ZNG1A: variants seen among roughly 807,000 people sequenced by gnomAD.
ZNG1A encodes zinc-regulated GTPase metalloprotein activator 1A.
At chr9:145,999 G>A in the ZNG1A span, 10,495 of 1,099,550 alleles carry the variant, frequency 9.5e-3, 373 homozygotes, top group Non-Finnish European at 0.011. Context: ...CAAAGGAATG[G>A]CAGGAAGCTT....
At chr9:171,466 G>C in the ZNG1A span, 2 of 152,118 alleles carry the variant, frequency 1.3e-5, no homozygotes, top group African/African-American at 2.4e-5. Flanking sequence ...TTAGAGCTTG[G>C]TAAGAAGGTA....
the ZNG1A span, chr9:135,150 A>G: frequency 2.0e-6 from 3 of 1,503,348 alleles, no homozygotes; most frequent in Non-Finnish European, 9.0e-7. Context: ...AATATTCTGT[A>G]ATTGCAATTT....
chr9:161,283 A>G, the ZNG1A span, among the ~76,000 whole-genome samples: 1 of 151,798 alleles, frequency 6.6e-6, no homozygotes, highest in African/African-American at 2.4e-5. Context: ...AGGCTGGTCA[A>G]CATGGTAAAA....
At chr9:163,990 T>C in the ZNG1A span, 4 of 1,594,510 alleles carry the variant, frequency 2.5e-6, no homozygotes, top group Non-Finnish European at 8.5e-7. Flanking sequence ...TCAAGATAAA[T>C]ATCACTCCCT....
the ZNG1A span, among the ~76,000 whole-genome samples, chr9:157,299 T>TC: frequency 4.0e-5 from 6 of 148,896 alleles, no homozygotes; most frequent in South Asian, 2.1e-4. Flanking sequence ...TTTTTTTTTT[T>TC]CCCCCTCATA....
chr9:142,689 A>G, the ZNG1A span, among the ~76,000 whole-genome samples: 2 of 126,662 alleles, frequency 1.6e-5, no homozygotes, highest in Admixed American at 8.5e-5. Flanking sequence ...AAATAACTAA[A>G]ATCAGAGCAG....
chr9:142,610 C>A, the ZNG1A span, among the ~76,000 whole-genome samples: 62 of 80,094 alleles, frequency 7.7e-4, no homozygotes, highest in African/African-American at 1.5e-3. Flanking sequence ...AAAATTGACA[C>A]CCTAACATCA....
chr9:147,120 G>A, the ZNG1A span: 2 of 147,468 alleles, frequency 1.4e-5, no homozygotes, highest in African/African-American at 5.1e-5. Flanking sequence ...GGAGGTTGCA[G>A]TGAGCCAAGA....
At chr9:166,950 T>C in the ZNG1A span, 1 of 152,072 alleles carries the variant, frequency 6.6e-6, no homozygotes, top group Non-Finnish European at 1.5e-5. Context: ...AAAAAAAGTA[T>C]TCATGGTAAT....
chr9:138,045 T>C, the ZNG1A span, among the ~76,000 whole-genome samples: 1 of 146,612 alleles, frequency 6.8e-6, no homozygotes, highest in East Asian at 2.0e-4. Flanking sequence ...TTTATAAGAA[T>C]TTTTAGAAAA....
At chr9:120,926 A>G in the ZNG1A span, 5 of 163,852 alleles carry the variant, frequency 3.1e-5, no homozygotes, top group African/African-American at 1.2e-4. Context: ...GGCTGTGCAT[A>G]GTGATTTCCT....
At chr9:138,779 CTG>C in the ZNG1A span, among the ~76,000 whole-genome samples, 1 of 148,616 alleles carries the variant, frequency 6.7e-6, no homozygotes, top group Non-Finnish European at 1.5e-5. Flanking sequence ...TGACACATGC[CTG>C]TGGTCCCAGC....
chr9:122,252 G>A, the ZNG1A span: 1 of 1,433,052 alleles, frequency 7.0e-7, no homozygotes, highest in South Asian at 1.5e-5. Context: ...TGAATTACAA[G>A]AAGTTTCTTA....
chr9:155,185 AAAG>A, the ZNG1A span, among the ~76,000 whole-genome samples: 706 of 151,566 alleles, frequency 4.7e-3, 5 homozygotes, highest in African/African-American at 0.016. Context: ...AATATGGTAA[AAAG>A]AAGAAGAGTT....
chr9:144,222 C>T, the ZNG1A span, among the ~76,000 whole-genome samples: 1 of 92,722 alleles, frequency 1.1e-5, no homozygotes, highest in Non-Finnish European at 2.0e-5. Context: ...AACCAAAAAA[C>T]AGCCCGCATC....
At chr9:163,768 T>G in the ZNG1A span, among the ~76,000 whole-genome samples, 1 of 151,222 alleles carries the variant, frequency 6.6e-6, no homozygotes, top group African/African-American at 2.4e-5. Flanking sequence ...AATCCAAAAA[T>G]TAGCCAGGTA....
the ZNG1A span, among the ~76,000 whole-genome samples, chr9:170,623 G>C: frequency 3.4e-5 from 5 of 148,272 alleles, no homozygotes; most frequent in African/African-American, 1.3e-4. Context: ...TGGCCTCAAG[G>C]GATCCACCTG....
the ZNG1A span, among the ~76,000 whole-genome samples, chr9:139,998 G>A: frequency 6.6e-6 from 1 of 150,586 alleles, no homozygotes; most frequent in African/African-American, 2.5e-5. Context: ...CCCGCACCTG[G>A]CTCGGAGGGT....
the ZNG1A span, among the ~76,000 whole-genome samples, chr9:132,353 A>T: frequency 6.2e-5 from 1 of 16,214 alleles, no homozygotes; most frequent in Non-Finnish European, 1.6e-4. Flanking sequence ...CATCTCTACT[A>T]AAAAAAAAAA....
Sources: allele counts gnomAD v4.1 joint callset (sites outside exome capture counted in the v4.1 genomes callset), GRCh38; gene constraint gnomAD v4.1.1; transcripts MANE v1.5; gene names NCBI Gene and HGNC (gene_info 2026-07-23, HGNC 2026-07-21).